The following RUNX1 variants were observed in gnomAD, a reference collection of about 807,000 sequenced individuals.
RUNX1 encodes runt-related transcription factor 1.
A neutral mutation model predicts 42.8 loss-of-function variants in RUNX1; 19 were observed. That is an observed-to-expected ratio of 0.44 (90% CI 0.31 to 0.65). RUNX1 has a LOEUF of 0.65. RUNX1 is among the 30% of genes least tolerant of loss of function. The pLI is 0.07. For synonymous variants in RUNX1, 271 were observed against 289.4 expected (o/e 0.94, Z 0.64); for missense variants, 528 against 672.0 (o/e 0.79, Z 2.37).
rs180823447 is a variant in RUNX1 at position 34,947,557 on chromosome 21, T to G, written c.59-54594A>C. On this transcript the variant is annotated intron_variant, in intron 2 of 8. Coordinates refer to ENST00000675419, the MANE Select transcript of RUNX1 (RefSeq NM_001754.5). ...ATCATTATAAGGAAGCCCCTGTCTT[T>G]TGTTTTTGTCCATTTTTTCCCCTGA... Among the ~76,000 whole-genome samples the G allele has an allele frequency of 4.1e-4, 63 of 152,378 alleles. 1 individual carries two copies. Among genetic ancestry groups the G allele is most frequent in the Admixed American group, 1.2e-3 (18 of 15,308 alleles).
At chr21:34,930,289 T>TATATATATATATATATATATATAAATAA (rs1555906453) in intron 2 of RUNX1, among the ~76,000 whole-genome samples, 37 of 137,298 alleles carry the variant, frequency 2.7e-4, no homozygotes, top group African/African-American at 1.1e-3. Context: ...TATATATATA[T>TATATATATATATATATATATATAAATAA]ATAAATAAAT....
At chr21:34,900,487 G>A (rs1443183976) in intron 2 of RUNX1, among the ~76,000 whole-genome samples, 1 of 152,160 alleles carries the variant, frequency 6.6e-6, no homozygotes, top group Non-Finnish European at 1.5e-5. Flanking sequence ...TTTTCCCTCT[G>A]AGCTGTCCTG....
At chr21:34,887,984 T>A in intron 3 of RUNX1, 1 of 1,065,972 alleles carries the variant, frequency 9.4e-7, no homozygotes, top group East Asian at 5.0e-5. Context: ...ACACTCAGGG[T>A]TCTACAGCTC....
At chr21:35,015,314 C>A (rs1258687262) in intron 2 of RUNX1, among the ~76,000 whole-genome samples, 9 of 152,116 alleles carry the variant, frequency 5.9e-5, no homozygotes, top group East Asian at 1.9e-4. Context: ...ATTAATAATT[C>A]TTCTTCTTGT....
intron 6 of RUNX1, among the ~76,000 whole-genome samples, chr21:34,850,535 C>T (rs990791883): frequency 2.6e-5 from 4 of 152,182 alleles, no homozygotes; most frequent in African/African-American, 9.7e-5. Context: ...ACTTCTGCAG[C>T]TGTGTCATGC....
Position 35,001,336 on chromosome 21 carries a change from G to A in RUNX1, c.58+47506C>T, listed in dbSNP as rs1014727250. Among the ~76,000 whole-genome samples the A allele has an allele frequency of 7.2e-4, 97 of 134,606 alleles. 1 individual carries two copies. The highest frequency in any genetic ancestry group is 1.3e-3 in the Non-Finnish European group (82 of 63,028). 88.3% of individuals were successfully genotyped at this position (134,606 alleles called of 152,430 possible). On this transcript the variant is annotated intron_variant, in intron 2 of 8. Coordinates refer to ENST00000675419, the MANE Select transcript of RUNX1 (RefSeq NM_001754.5). Reference sequence around the variant, plus strand: ...TATATATATATATATATATATATACGCATATATAACATACAGTTTGACATT... The same window carrying A: ...TATATATATATATATATATATATACACATATATAACATACAGTTTGACATT...
intron 6 of RUNX1, among the ~76,000 whole-genome samples, chr21:34,837,082 C>T (rs1396513876): frequency 6.6e-6 from 1 of 152,132 alleles, no homozygotes; most frequent in African/African-American, 2.4e-5. Flanking sequence ...ATTTCTATAC[C>T]AGCTGATACC....
At chr21:34,890,192 G>T (rs1354991592) in intron 3 of RUNX1, among the ~76,000 whole-genome samples, 1 of 151,842 alleles carries the variant, frequency 6.6e-6, no homozygotes, top group Non-Finnish European at 1.5e-5. Context: ...ACGCGCCGCG[G>T]GCTCTGGCGG....
At chr21:34,994,382 T>C (rs188330519) in intron 2 of RUNX1, among the ~76,000 whole-genome samples, 7 of 152,332 alleles carry the variant, frequency 4.6e-5, no homozygotes, top group Admixed American at 6.5e-5. Flanking sequence ...AATAATTTAA[T>C]TGTACATTTT....
chr21:34,998,902 G>C (rs1280574521), intron 2 of RUNX1, among the ~76,000 whole-genome samples: 1 of 152,206 alleles, frequency 6.6e-6, no homozygotes, highest in Non-Finnish European at 1.5e-5. Context: ...ATCCACCCAT[G>C]AAGTACAGTT....
At chr21:35,006,395 C>G (rs1281618570) in intron 2 of RUNX1, among the ~76,000 whole-genome samples, 1 of 152,184 alleles carries the variant, frequency 6.6e-6, no homozygotes, top group Non-Finnish European at 1.5e-5. Context: ...TAAAGCCACA[C>G]TACTCTCTCT....
intron 2 of RUNX1, among the ~76,000 whole-genome samples, chr21:34,915,384 A>C (rs2058305026): frequency 6.6e-6 from 1 of 152,278 alleles, no homozygotes; most frequent in Non-Finnish European, 1.5e-5. Context: ...AGTCAAGCTC[A>C]TCACTGATCT....
chr21:34,862,093 T>A lies in RUNX1; in HGVS notation c.509-2515A>T, dbSNP rs1334539563. On this transcript the variant is annotated intron_variant, in intron 5 of 8. Coordinates refer to ENST00000675419, the MANE Select transcript of RUNX1 (RefSeq NM_001754.5). ...TGCCATTGTCCCAGTCCTGAGTAGGTCTAGGGGTGCATGTGGGTGTATGAG... is the reference window on the plus strand; with the variant it reads ...TGCCATTGTCCCAGTCCTGAGTAGGACTAGGGGTGCATGTGGGTGTATGAG... Among the ~76,000 whole-genome samples, 3 of 150,670 alleles carry A rather than the reference T, an allele frequency of 2.0e-5. No homozygotes were observed. In the East Asian group the frequency reaches 5.8e-4, roughly 29 times the overall value.
chr21:34,846,451 C>T (rs1030948424), intron 6 of RUNX1, among the ~76,000 whole-genome samples: 1 of 151,938 alleles, frequency 6.6e-6, no homozygotes, highest in Non-Finnish European at 1.5e-5. Context: ...GAAGATGGTG[C>T]TTTGAAAGAA....
At chr21:34,924,112 C>T (rs545924640) in intron 2 of RUNX1, among the ~76,000 whole-genome samples, 1 of 152,298 alleles carries the variant, frequency 6.6e-6, no homozygotes, top group African/African-American at 2.4e-5. Context: ...GGTGGTTTTG[C>T]CTCTTCCCCT....
intron 2 of RUNX1, among the ~76,000 whole-genome samples, chr21:34,950,695 C>T (rs1238624154): frequency 1.3e-5 from 2 of 152,190 alleles, no homozygotes; most frequent in African/African-American, 4.8e-5. Flanking sequence ...GAGATCTTGC[C>T]ACTGCACTCC....
At chr21:34,818,309 T>C (rs138924766) in intron 7 of RUNX1, among the ~76,000 whole-genome samples, 20 of 152,342 alleles carry the variant, frequency 1.3e-4, no homozygotes, top group Middle Eastern at 3.4e-3. Context: ...CAACTGTTAG[T>C]ATTGTTTGTT....
Position 34,792,311 on chromosome 21 carries a change from G to T in RUNX1, c.1267C>A (p.Arg423Ser). 6.5e-7 allele frequency: 1 copy of T among 1,539,288 alleles called. No homozygotes were observed. ...SYQFSMVGGE[R>S]SPPRILPPCT... ...GGCGGCAGGATGCGCGGCGGCGAGC[G>T]CTCGCCGCCCACCATGGAGAACTGG... The change falls in exon 9 of 9, where the codon CGC becomes AGC. Residue 423 changes from arginine (R) to serine (S), a missense_variant. Coordinates refer to ENST00000675419, the MANE Select transcript of RUNX1 (RefSeq NM_001754.5). This position sits in a 1 kb window ranked among gnomAD's most constrained non-coding sequence, Gnocchi z 6.9.
At chr21:34,883,210 A>C (rs1403755327) in intron 4 of RUNX1, among the ~76,000 whole-genome samples, 1 of 152,216 alleles carries the variant, frequency 6.6e-6, no homozygotes, top group Non-Finnish European at 1.5e-5. Flanking sequence ...TTGGAACTTA[A>C]GAAGAAAAAA....
Sources: allele counts gnomAD v4.1 joint callset (sites outside exome capture counted in the v4.1 genomes callset), GRCh38; gene constraint gnomAD v4.1.1; non-coding constraint Gnocchi (gnomAD v3.1); transcripts MANE v1.5; gene names NCBI Gene and HGNC (gene_info 2026-07-23, HGNC 2026-07-21).